Variants in AP3B1 observed in about 807,000 individuals in gnomAD.
AP3B1 encodes the protein adaptor related protein complex 3 subunit beta 1.
Under a neutral mutation model 132.5 loss-of-function variants are expected in AP3B1, and 61 were observed. That is an observed-to-expected ratio of 0.46 (90% CI 0.37 to 0.57). AP3B1 has a LOEUF of 0.57. Among genes scored for constraint, AP3B1 ranks in the 20% least tolerant of loss-of-function variants. The pLI is 0.00. For missense variants in AP3B1, 1,120 were observed against 1,289.4 expected (o/e 0.87, Z 2.01); for synonymous variants, 388 against 438.3 (o/e 0.89, Z 1.43).
intron 25 of AP3B1, among the ~76,000 whole-genome samples, chr5:78,019,000 G>C (rs1561356388): frequency 6.6e-6 from 1 of 152,218 alleles, no homozygotes; most frequent in South Asian, 2.1e-4. Context: ...AATTCAGGAA[G>C]ACAGAAAGAA....
intron 13 of AP3B1, among the ~76,000 whole-genome samples, chr5:78,156,997 C>T (rs1330945091): frequency 1.3e-5 from 2 of 152,142 alleles, no homozygotes; most frequent in Non-Finnish European, 2.9e-5. Context: ...CCCTAAGAGG[C>T]CCACCTGTAG....
intron 1 of AP3B1, among the ~76,000 whole-genome samples, chr5:78,282,642 A>G (rs1330767559): frequency 6.6e-6 from 1 of 152,214 alleles, no homozygotes; most frequent in Non-Finnish European, 1.5e-5. Flanking sequence ...TTGAAAATTA[A>G]AAACATAAAG....
At chr5:78,193,770 A>ATATATATATTT in intron 7 of AP3B1, among the ~76,000 whole-genome samples, 4 of 67,218 alleles carry the variant, frequency 6.0e-5, no homozygotes, top group African/African-American at 2.1e-4. Context: ...ATATATATAT[A>ATATATATATTT]TTTTTTTTTT....
chr5:78,089,912 C>A (rs1414236392), intron 21 of AP3B1, among the ~76,000 whole-genome samples: 3 of 152,156 alleles, frequency 2.0e-5, no homozygotes, highest in Non-Finnish European at 4.4e-5. Context: ...AATCCTATAT[C>A]TATTTTATTC....
chr5:78,076,839 G>A (rs533036198), intron 22 of AP3B1, among the ~76,000 whole-genome samples: 1 of 152,268 alleles, frequency 6.6e-6, no homozygotes, highest in African/African-American at 2.4e-5. Context: ...TGCCAGTAGG[G>A]TAACCCAAAA....
At chr5:78,175,927 T>C in intron 9 of AP3B1, 89 bp from the exon 10 acceptor site, 1 of 1,020,742 alleles carries the variant, frequency 9.8e-7, no homozygotes, top group Non-Finnish European at 1.5e-6. Flanking sequence ...GAATTAGCAA[T>C]AATTTCAAGT....
At chr5:78,176,356 A>AG (rs1744148073) in intron 9 of AP3B1, among the ~76,000 whole-genome samples, 1 of 151,288 alleles carries the variant, frequency 6.6e-6, no homozygotes. Context: ...AAAAAAAAAA[A>AG]GTATTGAACT....
chr5:78,007,969 T>C lies in AP3B1; in HGVS notation c.3132-4914A>G, dbSNP rs550946063. ...AACGTTCAAATGAGAAAAGTTAAAA[T>C]AAAAAATAAACAACCACCATAATTT... On this transcript the variant is annotated intron_variant, in intron 26 of 26. Transcript: ENST00000255194. 1.3e-3 allele frequency among the ~76,000 whole-genome samples: 193 copies of C among 152,250 alleles called. 1 individual carries two copies. Among genetic ancestry groups the C allele is most frequent in the African/African-American group, 4.5e-3 (189 of 41,560 alleles).
At position 78,191,354 on chromosome 5, in the gene AP3B1, C is replaced by CAAAAAAAAAA. The variant is rs34733864; in HGVS notation, c.787-9702_787-9693dup. Among the ~76,000 whole-genome samples the CAAAAAAAAAA allele has an allele frequency of 1.2e-3, 84 of 72,836 alleles. 1 individual carries two copies. The highest frequency in any genetic ancestry group is 4.2e-3 in the African/African-American group (78 of 18,384). The allele number at this position is 72,836 out of a possible 152,430, so 47.8% of individuals were successfully genotyped here. On this transcript the variant is annotated intron_variant, in intron 7 of 26. Coordinates refer to ENST00000255194, the MANE Select transcript of AP3B1 (RefSeq NM_003664.5). Reference sequence around the variant, plus strand: ...ATTGGCTTTTGGAATTGCTTTTCCCCAAAAAAAAAAAAAAAAAAAAAAAGG... The same window carrying CAAAAAAAAAA: ...ATTGGCTTTTGGAATTGCTTTTCCCCAAAAAAAAAAAAAAAAAAAAAAAAAAAAAAAAAGG...
At chr5:78,129,452 G>A (rs1230373216) in intron 15 of AP3B1, 145 bp from the exon 16 acceptor site, 15 of 760,390 alleles carry the variant, frequency 2.0e-5, no homozygotes, top group Non-Finnish European at 2.9e-5. Context: ...TTCTAATGCT[G>A]CAAATGGAAT....
At position 78,170,964 on chromosome 5, in the gene AP3B1, T is replaced by C. The variant is rs563182629; in HGVS notation, c.1167+4662A>G. Among the ~76,000 whole-genome samples, 518 of 152,314 alleles carry C rather than the reference T, an allele frequency of 3.4e-3. 5 individuals carry two copies. The highest frequency in any genetic ancestry group is 0.012 in the African/African-American group (501 of 41,570). On this transcript the variant is annotated intron_variant, in intron 11 of 26. Transcript: ENST00000255194. ...GCTTTTTATATATGGCTAGCCAGTT[T>C]TCCCAGCACCATTTATTAAATAGGG...
chr5:78,197,753 C>G (rs1745132617), intron 7 of AP3B1, among the ~76,000 whole-genome samples: 1 of 152,086 alleles, frequency 6.6e-6, no homozygotes, highest in African/African-American at 2.4e-5. Context: ...AAACTGCCTA[C>G]AGCAAAATAT....
chr5:78,084,490 C>T (rs1288193727), intron 22 of AP3B1, among the ~76,000 whole-genome samples: 1 of 129,840 alleles, frequency 7.7e-6, no homozygotes, highest in Non-Finnish European at 1.6e-5. Context: ...CACCAATGTA[C>T]TCCAACCTGG....
chr5:78,187,345 T>C (rs1161004005), intron 7 of AP3B1, among the ~76,000 whole-genome samples: 1 of 152,188 alleles, frequency 6.6e-6, no homozygotes, highest in Non-Finnish European at 1.5e-5. Flanking sequence ...ATGAAAGTGC[T>C]GTATTAACAG....
chr5:78,083,404 A>G (rs989075287), intron 22 of AP3B1, among the ~76,000 whole-genome samples: 5 of 152,370 alleles, frequency 3.3e-5, no homozygotes, highest in Middle Eastern at 3.4e-3. Flanking sequence ...TTCTAATACC[A>G]GAGGTGAACA....
intron 1 of AP3B1, among the ~76,000 whole-genome samples, chr5:78,277,393 A>C (rs1283559054): frequency 1.3e-5 from 2 of 152,146 alleles, no homozygotes; most frequent in Non-Finnish European, 2.9e-5. Flanking sequence ...CAGGAAAAAA[A>C]GGAGAAGGGA....
chr5:78,189,483 T>A (rs1218198670), intron 7 of AP3B1, among the ~76,000 whole-genome samples: 1 of 152,172 alleles, frequency 6.6e-6, no homozygotes, highest in Non-Finnish European at 1.5e-5. Context: ...GGTCGATGAA[T>A]CACTATCTTA....
At chr5:78,009,702 G>C (rs1746539475) in intron 26 of AP3B1, among the ~76,000 whole-genome samples, 1 of 135,894 alleles carries the variant, frequency 7.4e-6, no homozygotes, top group African/African-American at 2.8e-5. Flanking sequence ...TCCACAAGTT[G>C]CATATGGTAA....
chr5:78,044,622 C>A (rs948439363), intron 22 of AP3B1, among the ~76,000 whole-genome samples: 3 of 152,128 alleles, frequency 2.0e-5, no homozygotes, highest in Admixed American at 2.0e-4. Flanking sequence ...TAGAGCAGAA[C>A]AGAACAAAGG....
Sources: allele counts gnomAD v4.1 joint callset (sites outside exome capture counted in the v4.1 genomes callset), GRCh38; gene constraint gnomAD v4.1.1; transcripts MANE v1.5; gene names NCBI Gene and HGNC (gene_info 2026-07-23, HGNC 2026-07-21).